The following NDOR1 variants were observed in gnomAD, a reference collection of about 807,000 sequenced individuals.
NDOR1 encodes the protein NADPH-dependent diflavin oxidoreductase 1.
NDOR1 carries 61 observed loss-of-function variants against 67.2 expected under a neutral mutation model. That is an observed-to-expected ratio of 0.91 (90% CI 0.74 to 1.12). The LOEUF (loss-of-function observed/expected upper bound fraction) is 1.12, where lower values mean the gene tolerates loss of function less well. Among genes scored for constraint, NDOR1 ranks in the 50% most tolerant of loss-of-function variants. The probability of loss-of-function intolerance (pLI) is 0.00; values close to 1 mark genes in which losing one functional copy is unlikely to be tolerated. For synonymous variants in NDOR1, 378 were observed against 343.7 expected, an observed-to-expected ratio of 1.10 and a Z score of -1.10; for missense variants, 878 against 802.8, an observed-to-expected ratio of 1.09 and a Z score of -1.13.
Position 137,217,638 on chromosome 9 carries a change from T to G in NDOR1, c.*1222T>G. 4.7e-6 allele frequency: 1 copy of G among 213,786 alleles called. No homozygotes were observed. The highest frequency in any genetic ancestry group is 5.9e-5 in the Admixed American group (1 of 16,976). The allele number at this position is 213,786 out of a possible 1,614,324, so 13.2% of individuals were successfully genotyped here. A position where few individuals can be genotyped will look rare whatever the true frequency, so the allele number is the denominator to read the frequency against. ...AGGATCCACCCAGAGCAGGCAGGCCTTGCTGGGGCCCCAGTCAAGTCCACT... is the reference window on the plus strand; with the variant it reads ...AGGATCCACCCAGAGCAGGCAGGCCGTGCTGGGGCCCCAGTCAAGTCCACT... On this transcript the variant is annotated 3_prime_UTR_variant, in exon 14 of 14. Coordinates refer to ENST00000684003, the MANE Select transcript of NDOR1 (RefSeq NM_014434.4).
Position 137,206,220 on chromosome 9 carries a change from C to T in NDOR1, c.136-12C>T, listed in dbSNP as rs767390351. On this transcript the variant is annotated splice_polypyrimidine_tract_variant and intron_variant, in intron 1 of 13. Transcript: ENST00000684003. ...AGCCGGAGGTCTTACGTGTGTGTGT[C>T]TTTTTGTTGAGGTGAATCTGATTAA... 3.7e-6 allele frequency: 6 copies of T among 1,613,906 alleles called. No individual in the cohort carries two copies. The highest frequency in any genetic ancestry group is 2.2e-5 in the East Asian group (1 of 44,888).
chr9:137,213,230 T>TGTTTCCTGCGTGAC (rs1211186750), intron 3 of NDOR1, among the ~76,000 whole-genome samples: 1 of 152,216 alleles, frequency 6.6e-6, no homozygotes, highest in African/African-American at 2.4e-5. Context: ...TGCATGACGT[T>TGTTTCCTGCGTGAC]GTTTCCTGCG....
chr9:137,218,626 G>A lies in NDOR1; in HGVS notation c.*2210G>A, dbSNP rs759164516. 27 of 398,484 alleles carry A rather than the reference G, an allele frequency of 6.8e-5. No individual in the cohort carries two copies. Among genetic ancestry groups the A allele is most frequent in the African/African-American group, 2.7e-4 (13 of 48,638 alleles). The allele number at this position is 398,484 out of a possible 1,614,324, so 24.7% of individuals were successfully genotyped here. Reference sequence around the variant, plus strand: ...GAGCAGAGCCCAGGACAGCCCCGCCGCCAACAGGCCAGGGGGCCCAGACTG... The same window carrying A: ...GAGCAGAGCCCAGGACAGCCCCGCCACCAACAGGCCAGGGGGCCCAGACTG... On this transcript the variant is annotated 3_prime_UTR_variant, in exon 14 of 14. Coordinates refer to ENST00000684003, the MANE Select transcript of NDOR1 (RefSeq NM_014434.4).
rs1564401592 is a variant in NDOR1 at position 137,215,921 on chromosome 9, C to T, written c.1458C>T (p.Cys486=). The T allele has an allele frequency of 1.9e-6, 3 of 1,613,650 alleles. No homozygotes were observed. The highest frequency in any genetic ancestry group is 1.1e-5 in the South Asian group (1 of 91,088). ...TAGGAAACTTCTTGTTTTTTGGCTG[C>T]CGCTGGCGGGACCAAGACTTCTACT... The part of the protein sequence containing the change: ...GQTGNFLFFG[C]RWRDQDFYWE... Residue 486 remains cysteine (C), a synonymous_variant, in exon 12 of 14, where the codon TGC becomes TGT. Transcript: ENST00000684003.
At chr9:137,207,751 G>C (rs1488409848) in intron 2 of NDOR1, among the ~76,000 whole-genome samples, 1 of 152,202 alleles carries the variant, frequency 6.6e-6, no homozygotes, top group African/African-American at 2.4e-5. Context: ...GGGATTGTTG[G>C]TGATACCAGG....
rs751689238 is a variant in NDOR1, at chr9:137,215,136, C to T, written c.1107C>T (p.Pro369=). The change falls in exon 9 of 14, where the codon CCC becomes CCT. Residue 369 remains proline, a synonymous_variant. Coordinates refer to ENST00000684003, the MANE Select transcript of NDOR1 (RefSeq NM_014434.4). ...DFPHTAAAIP[P]DYLLDLIPVI... ...CGCACACAGCTGCCGCCATCCCTCC[C>T]GACTACCTGTTGGACCTCATCCCCG... The T allele has an allele frequency of 6.8e-6, 11 of 1,613,746 alleles. No individual in the cohort carries two copies. The highest frequency in any genetic ancestry group is 2.2e-5 in the East Asian group (1 of 44,880).
Position 137,214,571 on chromosome 9 carries a change from T to C in NDOR1, c.724T>C (p.Phe242Leu). 1 of 1,611,530 alleles carries C rather than the reference T, an allele frequency of 6.2e-7. No homozygotes were observed. Among genetic ancestry groups the C allele is most frequent in the South Asian group, 1.1e-5 (1 of 91,072 alleles). ...GCCCTGGTGGCTTCTTCCACACAGC[T>C]TTGCTGCTGGTGATGTGGTGCTGAT... ...EFDILGSGIS[F>L]AAGDVVLIQP... Residue 242 changes from phenylalanine to leucine, a missense_variant and splice_region_variant, in exon 7 of 14, where the codon TTT (phenylalanine) becomes CTT (leucine). Transcript: ENST00000684003.
intron 2 of NDOR1, among the ~76,000 whole-genome samples, chr9:137,211,506 C>T (rs898296168): frequency 1.2e-4 from 19 of 152,154 alleles, no homozygotes; most frequent in Admixed American, 1.0e-3. Context: ...GGAAAAGTCA[C>T]AAGAATGTTC....
At position 137,210,264 on chromosome 9, in the gene NDOR1, C is replaced by A. The variant is rs371450239; in HGVS notation, c.214-2238C>A. Among the ~76,000 whole-genome samples the A allele has an allele frequency of 2.6e-5, 4 of 152,318 alleles. No individual in the cohort carries two copies. In the South Asian group the frequency reaches 6.2e-4, roughly 24 times the overall value. On this transcript the variant is annotated intron_variant, in intron 2 of 13. Transcript: ENST00000684003. ...GAGACAGAGCTCTTGCTCTGTTGCC[C>A]AGGCTGGAGTGCAGTGGCAGCCATC...
At position 137,216,034 on chromosome 9, in the gene NDOR1, G is replaced by A. The variant is rs750696601; in HGVS notation, c.1554+17G>A. ...CGGGAACAGGTGTGTATGCTCAGGG[G>A]CTGGGAAAGGAGGGGAGGGAGCTCC... On this transcript the variant is annotated intron_variant, in intron 12 of 13. Coordinates refer to ENST00000684003, the MANE Select transcript of NDOR1 (RefSeq NM_014434.4). 1.9e-6 allele frequency: 3 copies of A among 1,613,534 alleles called. No individual in the cohort carries two copies. The highest frequency in any genetic ancestry group is 2.5e-6 in the Non-Finnish European group (3 of 1,179,948).
At chr9:137,215,595 T>A in intron 10 of NDOR1, 64 bp from the exon 11 acceptor site, 4 of 1,604,966 alleles carry the variant, frequency 2.5e-6, no homozygotes, top group Non-Finnish European at 3.4e-6. Flanking sequence ...AATGCTGGGC[T>A]AGGGCCCCAG....
chr9:137,216,065 A>G (rs762958156), intron 12 of NDOR1, 29 bp from the exon 13 acceptor site: 1 of 1,613,396 alleles, frequency 6.2e-7, no homozygotes, highest in South Asian at 1.1e-5. Flanking sequence ...GCTCCGGCTC[A>G]GCCCCCAGCC....
intron 2 of NDOR1, among the ~76,000 whole-genome samples, chr9:137,207,820 A>G (rs1403537529): frequency 6.6e-6 from 1 of 152,168 alleles, no homozygotes; most frequent in Non-Finnish European, 1.5e-5. Flanking sequence ...TCAGCAACTG[A>G]GAGAGTGAGT....
chr9:137,213,652 T>G, intron 3 of NDOR1, 128 bp from the exon 4 acceptor site: 2 of 944,788 alleles, frequency 2.1e-6, no homozygotes, highest in Admixed American at 5.6e-5. Flanking sequence ...GGAGTGTGTT[T>G]TCCACCCGAG....
Position 137,212,685 on chromosome 9 carries a change from C to G in NDOR1, c.311+86C>G. The G allele has an allele frequency of 7.7e-7, 1 of 1,299,526 alleles. No homozygotes were observed. Among genetic ancestry groups the G allele is most frequent in the Non-Finnish European group, 1.1e-6 (1 of 898,672 alleles). 80.5% of individuals were successfully genotyped at this position (1,299,526 alleles called of 1,614,324 possible). ...GCTGGCAGAGGACCGAGACCAGCTT[C>G]CAGGGTCGGCCCCTGCGCGCCTCAG... On this transcript the variant is annotated intron_variant, in intron 3 of 13. Coordinates refer to ENST00000684003, the MANE Select transcript of NDOR1 (RefSeq NM_014434.4). This position sits in a 1 kb window ranked among gnomAD's most constrained non-coding sequence, Gnocchi z 4.3.
rs554068978 is a variant in NDOR1, at chr9:137,205,781, C to T, written c.4C>T (p.Pro2Ser). 3.6e-5 allele frequency: 58 copies of T among 1,603,842 alleles called. No homozygotes were observed. The highest frequency in any genetic ancestry group is 3.3e-4 in the Middle Eastern group (2 of 6,044). Residue 2 changes from proline (P) to serine (S), a missense_variant, in exon 1 of 14, where the codon CCG becomes TCG. Physicochemically the swap from Pro to Ser is moderately conservative, Grantham distance 74. Transcript: ENST00000684003. ...CCAGACCACCGGGCGCACCCCGATG[C>T]CGAGCCCGCAGCTTCTGGTGCTCTT... MPSPQLLVLFGS... is the reference protein window; with the variant it reads MSSPQLLVLFGS...
Position 137,213,830 on chromosome 9 carries a change from G to A in NDOR1, c.362G>A (p.Gly121Asp), listed in dbSNP as rs1177305953. Residue 121 changes from glycine to aspartate, a missense_variant, in exon 4 of 14, where the codon GGC (glycine) becomes GAC (aspartate). By Grantham distance (94) the Gly-to-Asp change is moderately conservative. Coordinates refer to ENST00000684003, the MANE Select transcript of NDOR1 (RefSeq NM_014434.4). ...KLHRRLLQLGGSALLPVCLGD... is the reference protein window; with the variant it reads ...KLHRRLLQLGDSALLPVCLGD... ...CACCGACGGCTACTGCAGCTTGGGGGCAGCGCCCTCCTGCCCGTGTGCCTG... is the reference window on the plus strand; with the variant it reads ...CACCGACGGCTACTGCAGCTTGGGGACAGCGCCCTCCTGCCCGTGTGCCTG... 3 of 1,612,162 alleles carry A rather than the reference G, an allele frequency of 1.9e-6. No homozygotes were observed. Among genetic ancestry groups the A allele is most frequent in the Middle Eastern group, 1.7e-4 (1 of 6,040 alleles).
At position 137,218,054 on chromosome 9, in the gene NDOR1, G is replaced by A. The variant is rs1022950800; in HGVS notation, c.*1638G>A. 3 of 399,390 alleles carry A rather than the reference G, an allele frequency of 7.5e-6. No homozygotes were observed. The highest frequency in any genetic ancestry group is 6.2e-5 in the African/African-American group (3 of 48,644). 24.7% of individuals were successfully genotyped at this position (399,390 alleles called of 1,614,324 possible). On this transcript the variant is annotated 3_prime_UTR_variant, in exon 14 of 14. Coordinates refer to ENST00000684003, the MANE Select transcript of NDOR1 (RefSeq NM_014434.4). Reference sequence around the variant, plus strand: ...GGAGGAGGGGAGAGAGCAGGCAGCAGGGCAGGGGGAAGAGGAGGAGTGCCC... The same window carrying A: ...GGAGGAGGGGAGAGAGCAGGCAGCAAGGCAGGGGGAAGAGGAGGAGTGCCC...
In NDOR1 at chr9:137,214,886, C is replaced by T. The variant is rs147187189; in HGVS notation, c.933C>T (p.Arg311=). ...TGGACATCGCCAGCGTGCCTCGCCG[C>T]TCCTTCTTCGAACTCCTGGCCTGTC... ...HYLDIASVPR[R]SFFELLACLS... is the part of the protein sequence containing the mutation. Residue 311 remains arginine (R), a synonymous_variant, in exon 8 of 14, where the codon CGC becomes CGT. Transcript: ENST00000684003. 2 of 1,612,128 alleles carry T rather than the reference C, an allele frequency of 1.2e-6. No homozygotes were observed. Among genetic ancestry groups the T allele is most frequent in the Admixed American group, 1.7e-5 (1 of 60,030 alleles).
Sources: allele counts gnomAD v4.1 joint callset (sites outside exome capture counted in the v4.1 genomes callset), GRCh38; gene constraint gnomAD v4.1.1; non-coding constraint Gnocchi (gnomAD v3.1); transcripts MANE v1.5; gene names NCBI Gene and HGNC (gene_info 2026-07-23, HGNC 2026-07-21).